The following IL1RAPL1 variants were observed in gnomAD, a reference collection of about 807,000 sequenced individuals.
The protein encoded by IL1RAPL1 is interleukin-1 receptor accessory protein-like 1.
In IL1RAPL1, 3 loss-of-function variants were observed where a neutral mutation model predicts 48.4. The ratio of observed to expected loss-of-function variants is 0.06; its 90% CI spans 0.03 to 0.16. The LOEUF (loss-of-function observed/expected upper bound fraction) is 0.16, where lower values mean the gene tolerates loss of function less well. Ranked by LOEUF, IL1RAPL1 falls within the 10% of genes least tolerant of loss-of-function variation. The pLI, the probability that IL1RAPL1 is intolerant of heterozygous loss-of-function variation, is 1.00. For missense variants in IL1RAPL1, 349 were observed against 530.6 expected (o/e 0.66, Z 3.36); for synonymous variants, 185 against 187.7 (o/e 0.99, Z 0.12).
At chrX:28,858,143 A>T (rs886849111) in intron 2 of IL1RAPL1, among the ~76,000 whole-genome samples, 1 of 112,362 alleles carries the variant, frequency 8.9e-6, no homozygotes, top group African/African-American at 3.2e-5. Flanking sequence ...CTGAATTGTT[A>T]TAATATCATG....
At chrX:29,471,420 T>C (rs1036545854) in intron 5 of IL1RAPL1, among the ~76,000 whole-genome samples, 2 of 111,288 alleles carry the variant, frequency 1.8e-5, no homozygotes, top group African/African-American at 6.5e-5. Context: ...AACTGGGTTT[T>C]AGGGCTAGTA....
At chrX:29,920,878 T>C (rs757942856) in intron 8 of IL1RAPL1, among the ~76,000 whole-genome samples, 71 of 105,514 alleles carry the variant, frequency 6.7e-4, no homozygotes, top group African/African-American at 2.4e-3. Context: ...AAGTCAAAGA[T>C]TGTATTTCTT....
chrX:29,143,342 G>A (rs1162137701), intron 2 of IL1RAPL1, among the ~76,000 whole-genome samples: 3 of 112,037 alleles, frequency 2.7e-5, no homozygotes, highest in Non-Finnish European at 3.8e-5. Context: ...ACAAAGTGTT[G>A]AGGAGAATCT....
At chrX:29,425,445 A>G (rs989102669) in intron 5 of IL1RAPL1, among the ~76,000 whole-genome samples, 8 of 111,541 alleles carry the variant, frequency 7.2e-5, no homozygotes, top group South Asian at 3.8e-4. Context: ...GGTGGAGATT[A>G]GGGTTAAATT....
At chrX:29,891,955 G>A (rs1932282622) in intron 6 of IL1RAPL1, among the ~76,000 whole-genome samples, 1 of 111,807 alleles carries the variant, frequency 8.9e-6, no homozygotes, top group East Asian at 2.8e-4. Flanking sequence ...ACCTAACACT[G>A]GGAGATAGTC....
chrX:29,274,331 T>C (rs1016628335), intron 2 of IL1RAPL1, among the ~76,000 whole-genome samples: 2 of 112,168 alleles, frequency 1.8e-5, no homozygotes, highest in African/African-American at 3.2e-5. Flanking sequence ...GTTTACAATA[T>C]ATTATATATT....
chrX:29,332,652 TA>T (rs1386040802), intron 3 of IL1RAPL1, among the ~76,000 whole-genome samples: 12 of 82,507 alleles, frequency 1.5e-4, no homozygotes, highest in East Asian at 3.6e-4. Flanking sequence ...TTATTTATTT[TA>T]TTTTTTTTTT....
chrX:29,393,107 A>T (rs1933874189), intron 3 of IL1RAPL1, among the ~76,000 whole-genome samples: 1 of 111,512 alleles, frequency 9.0e-6, no homozygotes, highest in Non-Finnish European at 1.9e-5. Flanking sequence ...ATGAAAGCCA[A>T]AGGAGCCAAG....
rs12008152 is a variant in IL1RAPL1, at chrX:29,853,191, T to A, written c.779-64273T>A. Among the ~76,000 whole-genome samples the A allele has an allele frequency of 3.0e-3, 263 of 88,030 alleles. 1 individual carries two copies. The highest frequency in any genetic ancestry group is 9.7e-3 in the African/African-American group (235 of 24,259). 76.4% of individuals were successfully genotyped at this position (88,030 alleles called of 115,157 possible). A position where few individuals can be genotyped will look rare whatever the true frequency, so the allele number is the denominator to read the frequency against. On this transcript the variant is annotated intron_variant, in intron 6 of 10. Transcript: ENST00000378993. ...TGATCTGCCAATTCTATTATGGCTT[T>A]AAAAAAAAAAAAAAAAAACACGGCC...
chrX:29,697,345 C>T, intron 6 of IL1RAPL1, among the ~76,000 whole-genome samples: 1 of 112,370 alleles, frequency 8.9e-6, no homozygotes, highest in Admixed American at 9.4e-5. Flanking sequence ...GGCTTACATA[C>T]AACTGTAAGA....
intron 9 of IL1RAPL1, among the ~76,000 whole-genome samples, chrX:29,948,235 A>G (rs750132443): frequency 9.0e-6 from 1 of 111,560 alleles, no homozygotes; most frequent in East Asian, 2.8e-4. Flanking sequence ...TATACCACAG[A>G]TATTTTAACT....
chrX:29,459,642 TTTAA>T (rs1781088199), intron 5 of IL1RAPL1, among the ~76,000 whole-genome samples: 1 of 111,858 alleles, frequency 8.9e-6, no homozygotes, highest in African/African-American at 3.3e-5. Context: ...AAATTATTTC[TTTAA>T]TTGACAAAAA....
intron 6 of IL1RAPL1, among the ~76,000 whole-genome samples, chrX:29,780,948 T>G (rs1702874500): frequency 9.0e-6 from 1 of 111,086 alleles, no homozygotes; most frequent in African/African-American, 3.3e-5. Flanking sequence ...ACAAAGAGTA[T>G]ATTAAATAAT....
chrX:29,943,379 T>C (rs1192825932), intron 9 of IL1RAPL1, among the ~76,000 whole-genome samples: 1 of 111,668 alleles, frequency 9.0e-6, no homozygotes, highest in African/African-American at 3.3e-5. Context: ...GAGGTCAATA[T>C]TGTAATCTCC....
intron 5 of IL1RAPL1, among the ~76,000 whole-genome samples, chrX:29,645,678 G>T (rs767198348): frequency 6.3e-5 from 7 of 111,983 alleles, no homozygotes; most frequent in African/African-American, 2.3e-4. Flanking sequence ...CACAGTGATA[G>T]GCAGGCCTTA....
chrX:28,767,817 C>G (rs1044183252), intron 1 of IL1RAPL1, among the ~76,000 whole-genome samples: 10 of 110,702 alleles, frequency 9.0e-5, no homozygotes, highest in Non-Finnish European at 1.7e-4. Context: ...TTCTTTACAA[C>G]TCTGAAATTA....
At chrX:28,821,225 T>C (rs886597805) in intron 2 of IL1RAPL1, among the ~76,000 whole-genome samples, 5 of 111,920 alleles carry the variant, frequency 4.5e-5, no homozygotes, top group African/African-American at 1.6e-4. Context: ...TACATGCACA[T>C]GTATACATAT....
At chrX:29,124,058 C>CTAAT (rs1928852826) in intron 2 of IL1RAPL1, among the ~76,000 whole-genome samples, 1 of 111,437 alleles carries the variant, frequency 9.0e-6, no homozygotes, top group African/African-American at 3.3e-5. Flanking sequence ...CTAAACTTTC[C>CTAAT]TAATTACTGA....
intron 5 of IL1RAPL1, among the ~76,000 whole-genome samples, chrX:29,521,149 G>A (rs889182383): frequency 1.8e-5 from 2 of 112,273 alleles, no homozygotes; most frequent in Non-Finnish European, 3.8e-5. Flanking sequence ...AATATTTGTC[G>A]TATTTCTTTC....
Sources: allele counts gnomAD v4.1 joint callset (sites outside exome capture counted in the v4.1 genomes callset), GRCh38; gene constraint gnomAD v4.1.1; transcripts MANE v1.5; gene names NCBI Gene and HGNC (gene_info 2026-07-23, HGNC 2026-07-21).